RLF: variants seen among roughly 807,000 people sequenced by gnomAD.
RLF encodes RLF zinc finger, also known as zinc finger protein Rlf.
A neutral mutation model predicts 162.9 loss-of-function variants in RLF; 7 were observed. That is an observed-to-expected ratio of 0.04 (90% CI 0.02 to 0.08). The LOEUF is 0.08. Ranked by LOEUF, RLF falls within the 10% of genes least tolerant of loss-of-function variation. The pLI is 1.00. For missense variants in RLF, 1,664 were observed against 2,244.7 expected (o/e 0.74, Z 5.23); for synonymous variants, 782 against 791.5 (o/e 0.99, Z 0.20).
intron 1 of RLF, among the ~76,000 whole-genome samples, chr1:40,165,423 G>A (rs958505901): frequency 2.0e-5 from 3 of 152,140 alleles, no homozygotes; most frequent in Admixed American, 1.3e-4. Context: ...CTACGTTAAC[G>A]AGATCTCAGG....
intron 5 of RLF, among the ~76,000 whole-genome samples, chr1:40,204,181 A>C (rs1642758439): frequency 6.6e-6 from 1 of 151,586 alleles, no homozygotes; most frequent in African/African-American, 2.4e-5. Flanking sequence ...ACGCCTGGCT[A>C]ATTTTTTTGT....
chr1:40,166,754 A>C (rs1326736226), intron 1 of RLF, among the ~76,000 whole-genome samples: 1 of 151,256 alleles, frequency 6.6e-6, no homozygotes, highest in Non-Finnish European at 1.5e-5. Context: ...TATTGCAAGG[A>C]CAGAAAACCA....
At position 40,236,323 on chromosome 1, in the gene RLF, A is replaced by G. The variant is rs765442976; in HGVS notation, c.1621A>G (p.Ile541Val). 17 of 1,613,972 alleles carry G rather than the reference A, an allele frequency of 1.1e-5. No individual in the cohort carries two copies. Among genetic ancestry groups the G allele is most frequent in the Admixed American group, 1.7e-5 (1 of 60,004 alleles). The change falls in exon 8 of 8, where the codon ATT (isoleucine) becomes GTT (valine). Residue 541 changes from isoleucine (I) to valine (V), a missense_variant. Transcript: ENST00000372771. This position sits in a 1 kb window ranked among gnomAD's most constrained non-coding sequence, Gnocchi z 7.7. Reference sequence around the variant, plus strand: ...TAAGGAGAAAAGAGACAAAAAACCTATTGGCTCTTCTGAAAGATATCAGAG... The same window carrying G: ...TAAGGAGAAAAGAGACAAAAAACCTGTTGGCTCTTCTGAAAGATATCAGAG... Reference protein sequence around the residue: ...QHKEKRDKKPIGSSERYQRWL... With the variant: ...QHKEKRDKKPVGSSERYQRWL...
In RLF at chr1:40,235,870, A is replaced by G. The variant is rs750296455; in HGVS notation, c.1168A>G (p.Met390Val). The G allele has an allele frequency of 1.9e-5, 30 of 1,614,030 alleles. No individual in the cohort carries two copies. Among genetic ancestry groups the G allele is most frequent in the Admixed American group, 5.0e-5 (3 of 59,992 alleles). Residue 390 changes from methionine to valine, a missense_variant, in exon 8 of 8, where the codon ATG (methionine) becomes GTG (valine). Around this residue, in one of 15 missense-constraint regions of RLF, gnomAD observed 287 missense variants for 404.9 expected, o/e 0.71. Transcript: ENST00000372771. ...ACTCAGATCAAGTGAAGATGAGGAA[A>G]TGAAGGCATCAGTTTGTAAAACAAT... ...LQLRSSEDEE[M>V]KASVCKTIAC...
At position 40,237,191 on chromosome 1, in the gene RLF, C is replaced by T; in HGVS notation, c.2489C>T (p.Ser830Leu). ...NHLSMHNVEN[S>L]NGDIKKSVKL... The stretch of plus-strand genomic sequence containing the variant: ...CTCTCAATGCATAATGTTGAAAATT[C>T]AAATGGAGACATAAAGAAATCAGTG... Residue 830 changes from serine to leucine, a missense_variant, in exon 8 of 8, where the codon TCA becomes TTA. Physicochemically the swap from Ser to Leu is moderately radical, Grantham distance 145. Around this residue, in one of 15 missense-constraint regions of RLF, gnomAD observed 295 missense variants for 317.4 expected, o/e 0.93. Transcript: ENST00000372771. The surrounding 1 kb of genome is among the most constrained non-coding windows in gnomAD (Gnocchi z 4.4). The T allele has an allele frequency of 6.2e-7, 1 of 1,613,812 alleles. No individual in the cohort carries two copies. Among genetic ancestry groups the T allele is most frequent in the South Asian group, 1.1e-5 (1 of 91,040 alleles).
chr1:40,161,642 G>T lies in RLF; in HGVS notation c.237+6G>T, dbSNP rs1246625210. 7 of 1,609,706 alleles carry T rather than the reference G, an allele frequency of 4.3e-6. No homozygotes were observed. The South Asian group carries it at 6.6e-5, about 15-fold the overall frequency. ...ACTGCCGGAGCTTCTGCCAGGTGAG[G>T]GGCTGACTGGCTGGCTGAGGGCGGC... On this transcript the variant is annotated splice_donor_region_variant and intron_variant, in intron 1 of 7. Coordinates refer to ENST00000372771, the MANE Select transcript of RLF (RefSeq NM_012421.4). The surrounding 1 kb of genome is among the most constrained non-coding windows in gnomAD (Gnocchi z 4.4).
Position 40,239,255 on chromosome 1 carries a change from G to T in RLF, c.4553G>T (p.Cys1518Phe), listed in dbSNP as rs756465578. ...RRSFNAKSKKCGLIKEKKAPI... is the reference protein window; with the variant it reads ...RRSFNAKSKKFGLIKEKKAPI... The stretch of plus-strand genomic sequence containing the variant: ...TCATTTAATGCTAAGTCTAAAAAAT[G>T]TGGCTTAATCAAAGAAAAGAAAGCC... Residue 1518 changes from cysteine (C) to phenylalanine (F), a missense_variant, in exon 8 of 8, where the codon TGT becomes TTT. Around this residue, in one of 15 missense-constraint regions of RLF, gnomAD observed 200 missense variants for 207.3 expected, o/e 0.96. Transcript: ENST00000372771. 1.2e-6 allele frequency: 2 copies of T among 1,614,074 alleles called. No homozygotes were observed. The highest frequency in any genetic ancestry group is 1.6e-4 in the Middle Eastern group (1 of 6,062).
intron 1 of RLF, among the ~76,000 whole-genome samples, chr1:40,163,893 G>T (rs1315366419): frequency 2.6e-5 from 4 of 152,114 alleles, no homozygotes; most frequent in African/African-American, 9.7e-5. Context: ...TTCCCCTGTA[G>T]TCCAGATAAG....
chr1:40,223,807 GGCTAA>G (rs1292857760), intron 6 of RLF, among the ~76,000 whole-genome samples: 2 of 152,218 alleles, frequency 1.3e-5, no homozygotes, highest in Non-Finnish European at 2.9e-5. Flanking sequence ...ATGGTCTCAA[GGCTAA>G]AGTGGTAGAG....
At chr1:40,225,720 C>T (rs769001840) in intron 6 of RLF, among the ~76,000 whole-genome samples, 1 of 151,042 alleles carries the variant, frequency 6.6e-6, no homozygotes, top group Non-Finnish European at 1.5e-5. Flanking sequence ...ACTAAAAATA[C>T]GGAAAATTAG....
At position 40,161,530 on chromosome 1, in the gene RLF, C is replaced by G; in HGVS notation, c.131C>G (p.Pro44Arg). 3.7e-6 allele frequency: 6 copies of G among 1,606,146 alleles called. No individual in the cohort carries two copies. The African/African-American group carries it at 8.1e-5, about 22-fold the overall frequency. ...GGTCATCGCCCCGTATCTCCAGCGC[C>G]GGGAGCCTCGGGACTGCGGCCGTGT... ...VRGHRPVSPAPGASGLRPCLW... is the reference protein window; with the variant it reads ...VRGHRPVSPARGASGLRPCLW... Residue 44 changes from proline to arginine, a missense_variant, in exon 1 of 8, where the codon CCG becomes CGG. Pro to Arg is a moderately radical substitution (Grantham distance 103, BLOSUM62 -2). Around this residue, in one of 15 missense-constraint regions of RLF, gnomAD observed 134 missense variants for 124.3 expected, o/e 1.08. Coordinates refer to ENST00000372771, the MANE Select transcript of RLF (RefSeq NM_012421.4). This position sits in a 1 kb window ranked among gnomAD's most constrained non-coding sequence, Gnocchi z 4.4.
At chr1:40,220,988 A>G (rs1411956792) in intron 5 of RLF, among the ~76,000 whole-genome samples, 1 of 151,394 alleles carries the variant, frequency 6.6e-6, no homozygotes, top group African/African-American at 2.4e-5. Context: ...AAAAAAAAAA[A>G]AGGTGTGGTG....
Position 40,236,647 on chromosome 1 carries a change from G to C in RLF, c.1945G>C (p.Gly649Arg), listed in dbSNP as rs1229209411. ...CCATTCATTGAATGACCAAGCCAAA[G>C]GAGAGTCTCATGAATATGTCACATT... is the stretch of plus-strand genomic sequence containing the variant. The part of the protein sequence containing the change: ...QNHSLNDQAK[G>R]ESHEYVTFSK... Residue 649 changes from glycine (G) to arginine (R), a missense_variant, in exon 8 of 8, where the codon GGA becomes CGA. Around this residue, in one of 15 missense-constraint regions of RLF, gnomAD observed 50 missense variants for 46.7 expected, o/e 1.07. Transcript: ENST00000372771. This position sits in a 1 kb window ranked among gnomAD's most constrained non-coding sequence, Gnocchi z 7.7. 1 of 1,614,074 alleles carries C rather than the reference G, an allele frequency of 6.2e-7. No homozygotes were observed. The highest frequency in any genetic ancestry group is 2.2e-5 in the East Asian group (1 of 44,880).
At chr1:40,162,761 G>A (rs61780412) in intron 1 of RLF, among the ~76,000 whole-genome samples, 7,927 of 152,248 alleles carry the variant, frequency 0.052, 603 homozygotes, top group African/African-American at 0.17. Context: ...AATCTTTTCC[G>A]TGGATTGTAC....
chr1:40,180,307 G>A (rs1642388971), intron 1 of RLF, among the ~76,000 whole-genome samples: 1 of 152,060 alleles, frequency 6.6e-6, no homozygotes, highest in Non-Finnish European at 1.5e-5. Flanking sequence ...CACCCAGGCT[G>A]GAGTGCAGTC....
Position 40,239,172 on chromosome 1 carries a change from T to G in RLF, c.4470T>G (p.Ser1490Arg). The part of the protein sequence containing the change: ...QKVANERLLR[S>R]EKVCQTADTQ... ...TAGCAAATGAGAGACTACTAAGGAGTGAAAAGGTATGTCAAACAGCTGATA... is the reference window on the plus strand; with the variant it reads ...TAGCAAATGAGAGACTACTAAGGAGGGAAAAGGTATGTCAAACAGCTGATA... The change falls in exon 8 of 8, where the codon AGT (serine) becomes AGG (arginine). Residue 1490 changes from serine to arginine, a missense_variant. By Grantham distance (110) the Ser-to-Arg change is moderately radical. This residue lies in a region of RLF where 200 missense variants were observed against 207.3 expected (regional missense o/e 0.96). Transcript: ENST00000372771. 2 of 1,613,438 alleles carry G rather than the reference T, an allele frequency of 1.2e-6. No homozygotes were observed. Among genetic ancestry groups the G allele is most frequent in the Non-Finnish European group, 1.7e-6 (2 of 1,179,902 alleles).
chr1:40,190,092 T>C (rs1642536047), intron 2 of RLF, among the ~76,000 whole-genome samples: 1 of 152,186 alleles, frequency 6.6e-6, no homozygotes, highest in South Asian at 2.1e-4. Context: ...TATTTTTCCT[T>C]CTACCAAGTC....
At position 40,237,515 on chromosome 1, in the gene RLF, T is replaced by C. The variant is rs1340992611; in HGVS notation, c.2813T>C (p.Leu938Ser). 1 of 1,613,982 alleles carries C rather than the reference T, an allele frequency of 6.2e-7. No individual in the cohort carries two copies. Among genetic ancestry groups the C allele is most frequent in the Non-Finnish European group, 8.5e-7 (1 of 1,180,000 alleles). Residue 938 changes from leucine (L) to serine (S), a missense_variant, in exon 8 of 8, where the codon TTA (leucine) becomes TCA (serine). By Grantham distance (145) the Leu-to-Ser change is moderately radical. Around this residue, in one of 15 missense-constraint regions of RLF, gnomAD observed 295 missense variants for 317.4 expected, o/e 0.93. Transcript: ENST00000372771. The surrounding 1 kb of genome is among the most constrained non-coding windows in gnomAD (Gnocchi z 4.4). ...SNEKVFGPSSLKEKCSSMAVC... is the reference protein window; with the variant it reads ...SNEKVFGPSSSKEKCSSMAVC... ...GAGAAAGTCTTTGGGCCCTCCAGTTTAAAAGAAAAATGTTCCAGTATGGCA... is the reference window on the plus strand; with the variant it reads ...GAGAAAGTCTTTGGGCCCTCCAGTTCAAAAGAAAAATGTTCCAGTATGGCA...
chr1:40,163,767 C>T (rs1239783313), intron 1 of RLF, among the ~76,000 whole-genome samples: 1 of 152,102 alleles, frequency 6.6e-6, no homozygotes, highest in Non-Finnish European at 1.5e-5. Flanking sequence ...CTTGGGTAAC[C>T]ATGTCTGCAA....
Sources: gnomAD v4.1 joint callset for allele counts (sites outside exome capture counted in the v4.1 genomes callset) on GRCh38, gnomAD v4.1.1 for gene constraint, gnomAD v4.1.1 regional missense constraint, Gnocchi (gnomAD v3.1) non-coding constraint, MANE v1.5 for transcripts, NCBI Gene and HGNC (gene_info 2026-07-23, HGNC 2026-07-21) for gene names.